Variants in UPK1B observed in about 807,000 individuals in gnomAD.
UPK1B encodes uroplakin-1b.
In UPK1B, 28 loss-of-function variants were observed where a neutral mutation model predicts 34.2. The observed-to-expected ratio is 0.82, with a 90% CI of 0.61 to 1.12. The LOEUF (loss-of-function observed/expected upper bound fraction) is 1.12. UPK1B is among the 50% of genes most tolerant of loss of function. The pLI, the probability that UPK1B is intolerant of heterozygous loss-of-function variation, is 0.00. For missense variants in UPK1B, 325 were observed against 320.9 expected, an observed-to-expected ratio of 1.01 and a Z score of -0.10; for synonymous variants, 81 against 110.4, an observed-to-expected ratio of 0.73 and a Z score of 1.67.
chr3:119,184,191 C>T (rs1176891870), intron 1 of UPK1B, among the ~76,000 whole-genome samples: 2 of 152,144 alleles, frequency 1.3e-5, no homozygotes, highest in Non-Finnish European at 2.9e-5. Flanking sequence ...ATAGAATATT[C>T]ATTTGCTCTT....
chr3:119,178,332 G>A (rs1415072036), intron 1 of UPK1B, among the ~76,000 whole-genome samples: 1 of 152,230 alleles, frequency 6.6e-6, no homozygotes, highest in Non-Finnish European at 1.5e-5. Context: ...GGGGGGACAA[G>A]TGATGAACCT....
At chr3:119,190,811 T>G (rs2078040586) in intron 4 of UPK1B, among the ~76,000 whole-genome samples, 171 bp from the exon 5 acceptor site, 1 of 152,260 alleles carries the variant, frequency 6.6e-6, no homozygotes, top group African/African-American at 2.4e-5. Context: ...GTCTCTTCTC[T>G]GCATGGGGAC....
At chr3:119,203,826 G>T in intron 7 of UPK1B, 91 bp from the exon 8 acceptor site, 1 of 1,342,774 alleles carries the variant, frequency 7.4e-7, no homozygotes, top group Non-Finnish European at 1.1e-6. Flanking sequence ...TGTCACCTAA[G>T]CCTGAATGAA....
intron 7 of UPK1B, among the ~76,000 whole-genome samples, chr3:119,203,470 A>G (rs374542821): frequency 6.6e-6 from 1 of 152,230 alleles, no homozygotes; most frequent in East Asian, 1.9e-4. Context: ...CTATGCAGCC[A>G]TAAAAAGGAA....
At chr3:119,188,951 C>T (rs903146997) in intron 3 of UPK1B, among the ~76,000 whole-genome samples, 4 of 152,074 alleles carry the variant, frequency 2.6e-5, no homozygotes, top group Non-Finnish European at 4.4e-5. Flanking sequence ...CCTTAGTGTG[C>T]GTAAGTTCCA....
chr3:119,200,302 C>T (rs1283436802), intron 7 of UPK1B, among the ~76,000 whole-genome samples: 2 of 152,222 alleles, frequency 1.3e-5, no homozygotes, highest in African/African-American at 4.8e-5. Flanking sequence ...ATCCTCCCAC[C>T]CTGGCCTCCC....
rs1288452392 is a variant in UPK1B, at chr3:119,191,134, T to A, written c.468+30T>A. 1.1e-5 allele frequency: 18 copies of A among 1,611,184 alleles called. No homozygotes were observed. The Admixed American group carries it at 3.0e-4, about 27-fold the overall frequency. On this transcript the variant is annotated intron_variant, in intron 5 of 7. Coordinates refer to ENST00000264234, the MANE Select transcript of UPK1B (RefSeq NM_006952.4). ...GACCTGTGGTCTTGGGGAGATGCCA[T>A]TTTTACTTACTGGTGGGAGTGGGTG...
Position 119,186,657 on chromosome 3 carries a change from G to A in UPK1B, c.-28-57G>A, listed in dbSNP as rs575227141. 88 of 1,402,466 alleles carry A rather than the reference G, an allele frequency of 6.3e-5. No individual in the cohort carries two copies. The Middle Eastern group carries it at 1.4e-3, about 23-fold the overall frequency. The allele number at this position is 1,402,466 out of a possible 1,614,324, so 86.9% of individuals were successfully genotyped here. A position where few individuals can be genotyped will look rare whatever the true frequency, so the allele number is the denominator to read the frequency against. ...GGGAACAAGGAGGCAATACGCAATG[G>A]CTTGGTTTACTCATGTTACAGAAAC... On this transcript the variant is annotated intron_variant, in intron 1 of 7. Transcript: ENST00000264234.
intron 1 of UPK1B, among the ~76,000 whole-genome samples, chr3:119,183,271 GTT>G (rs60512299): frequency 1.1e-4 from 15 of 136,630 alleles, no homozygotes; most frequent in East Asian, 6.3e-4. Context: ...CTTTTTTTTT[GTT>G]TTTTTTTTTT....
chr3:119,174,434 T>G (rs912995353), intron 1 of UPK1B, among the ~76,000 whole-genome samples: 1 of 152,204 alleles, frequency 6.6e-6, no homozygotes, highest in East Asian at 1.9e-4. Flanking sequence ...ACTCCACTTC[T>G]AACTAGTTTT....
At chr3:119,175,443 A>G (rs921059907) in intron 1 of UPK1B, among the ~76,000 whole-genome samples, 1 of 152,104 alleles carries the variant, frequency 6.6e-6, no homozygotes, top group Non-Finnish European at 1.5e-5. Context: ...GCTGCCCACA[A>G]ACTTGATGGG....
chr3:119,204,030 C>G lies in UPK1B; in HGVS notation c.*63C>G. On this transcript the variant is annotated 3_prime_UTR_variant, in exon 8 of 8. Transcript: ENST00000264234. The stretch of plus-strand genomic sequence containing the variant: ...ACTCTGGATTTGGTGCTGGAACCAG[C>G]TCTCTCCTAATATTCCACGTTTGTG... 2 of 1,570,538 alleles carry G rather than the reference C, an allele frequency of 1.3e-6. No homozygotes were observed. The highest frequency in any genetic ancestry group is 1.7e-6 in the Non-Finnish European group (2 of 1,144,032).
intron 1 of UPK1B, among the ~76,000 whole-genome samples, chr3:119,179,474 C>G (rs142289008): frequency 3.1e-5 from 4 of 128,948 alleles, no homozygotes; most frequent in Non-Finnish European, 4.9e-5. Flanking sequence ...AGGTGGGCAA[C>G]CTGAAAATTT....
At chr3:119,175,469 T>G (rs2077952314) in intron 1 of UPK1B, among the ~76,000 whole-genome samples, 2 of 152,084 alleles carry the variant, frequency 1.3e-5, no homozygotes, top group African/African-American at 4.8e-5. Context: ...ATTCACCAAC[T>G]GGGACAGAGA....
chr3:119,192,027 C>T (rs929920323), intron 5 of UPK1B, among the ~76,000 whole-genome samples: 2 of 152,122 alleles, frequency 1.3e-5, no homozygotes, highest in African/African-American at 4.8e-5. Context: ...CTCACAATTC[C>T]TTGTCCTACC....
In UPK1B at chr3:119,203,040, C is replaced by T. The variant is rs115767298; in HGVS notation, c.733-877C>T. The stretch of plus-strand genomic sequence containing the variant: ...AGTGATGTTGCTTATAACGAGATTA[C>T]TCTTAAAAATCTGATATCTAGGCCA... On this transcript the variant is annotated intron_variant, in intron 7 of 7. Coordinates refer to ENST00000264234, the MANE Select transcript of UPK1B (RefSeq NM_006952.4). 8.1e-3 allele frequency among the ~76,000 whole-genome samples: 1,230 copies of T among 152,176 alleles called. 26 individuals carry two copies. The highest frequency in any genetic ancestry group is 0.028 in the African/African-American group (1,161 of 41,508).
At chr3:119,191,707 T>C (rs189801600) in intron 5 of UPK1B, among the ~76,000 whole-genome samples, 48 of 152,278 alleles carry the variant, frequency 3.2e-4, no homozygotes, top group Non-Finnish European at 5.3e-4. Flanking sequence ...TCTTGCTTCA[T>C]TGGAAATTTG....
chr3:119,186,645 C>A, intron 1 of UPK1B, 69 bp from the exon 2 acceptor site: 2 of 1,170,252 alleles, frequency 1.7e-6, no homozygotes, highest in South Asian at 1.4e-5. Context: ...AACAAGGAGG[C>A]AATACGCAAT....
chr3:119,198,906 G>A, intron 6 of UPK1B, 151 bp from the exon 7 acceptor site: 2 of 708,750 alleles, frequency 2.8e-6, no homozygotes, highest in Non-Finnish European at 2.4e-6. Context: ...ACTATTAGTA[G>A]CTGGCTGTCC....
Sources: allele counts gnomAD v4.1 joint callset (sites outside exome capture counted in the v4.1 genomes callset), GRCh38; gene constraint gnomAD v4.1.1; transcripts MANE v1.5; gene names NCBI Gene and HGNC (gene_info 2026-07-23, HGNC 2026-07-21).